Variants in CCDC141 observed in about 807,000 individuals in gnomAD.
The protein encoded by CCDC141 is coiled-coil domain containing 141, also known as coiled-coil domain-containing protein 141.
CCDC141 carries 168 observed loss-of-function variants against 181.0 expected under a neutral mutation model. That is an observed-to-expected ratio of 0.93 (90% CI 0.82 to 1.05). The LOEUF (loss-of-function observed/expected upper bound fraction) is 1.05, where lower values mean the gene tolerates loss of function less well. CCDC141 is among the 50% of genes least tolerant of loss of function. The pLI is 0.00. For synonymous variants in CCDC141, 666 were observed against 642.3 expected (o/e 1.04, Z -0.56); for missense variants, 1,902 against 1,788.5 (o/e 1.06, Z -1.14).
chr2:178,903,487 T>G (rs953996530), intron 8 of CCDC141, among the ~76,000 whole-genome samples: 1 of 151,768 alleles, frequency 6.6e-6, no homozygotes, highest in Non-Finnish European at 1.5e-5. Flanking sequence ...ATCATCATTC[T>G]CAGTAAACTA....
chr2:178,925,338 G>A (rs542699593), intron 6 of CCDC141, among the ~76,000 whole-genome samples: 4 of 152,190 alleles, frequency 2.6e-5, no homozygotes, highest in South Asian at 2.1e-4. Context: ...TATTCTCTTC[G>A]GTGTTTGGCC....
At chr2:178,948,647 G>T (rs1216829140) in intron 5 of CCDC141, among the ~76,000 whole-genome samples, 4 of 152,130 alleles carry the variant, frequency 2.6e-5, no homozygotes, top group Non-Finnish European at 4.4e-5. Context: ...CACAGGAGCG[G>T]ACCCCTCATG....
intron 5 of CCDC141, among the ~76,000 whole-genome samples, chr2:178,956,683 A>G (rs1690174962): frequency 6.6e-6 from 1 of 152,172 alleles, no homozygotes; most frequent in Non-Finnish European, 1.5e-5. Flanking sequence ...TATTGTTCTT[A>G]TTATAGTTAA....
intron 16 of CCDC141, 151 bp downstream of exon 16, chr2:178,867,875 G>T: frequency 1.7e-6 from 1 of 594,728 alleles, no homozygotes; most frequent in Non-Finnish European, 2.7e-6. Flanking sequence ...TCTTTTGTCA[G>T]AGGGTAGAAA....
At chr2:179,023,120 A>C (rs2042734376) in intron 2 of CCDC141, among the ~76,000 whole-genome samples, 1 of 152,188 alleles carries the variant, frequency 6.6e-6, no homozygotes, top group Non-Finnish European at 1.5e-5. Flanking sequence ...GACTGTATAT[A>C]CATTTGTATA....
At chr2:178,856,233 A>G (rs912381883) in intron 18 of CCDC141, 24 bp downstream of exon 18, 2 of 1,590,184 alleles carry the variant, frequency 1.3e-6, no homozygotes, top group Non-Finnish European at 1.7e-6. Context: ...ATGCGCACAT[A>G]TACAAACCAT....
intron 7 of CCDC141, among the ~76,000 whole-genome samples, chr2:178,913,775 G>T (rs1688322059): frequency 6.6e-6 from 1 of 152,044 alleles, no homozygotes; most frequent in Admixed American, 6.6e-5. Context: ...TTTGCTTTCA[G>T]GCTGACCACC....
At chr2:179,039,961 C>T (rs886202503) in intron 2 of CCDC141, among the ~76,000 whole-genome samples, 1 of 152,016 alleles carries the variant, frequency 6.6e-6, no homozygotes, top group African/African-American at 2.4e-5. Flanking sequence ...CTTTTCTAGA[C>T]TCATAATATT....
rs180775868 is a variant in CCDC141 at position 178,969,499 on chromosome 2, C to A, written c.526+5558G>T. Among the ~76,000 whole-genome samples the A allele has an allele frequency of 4.6e-3, 698 of 152,272 alleles. 2 individuals are homozygous for A. The highest frequency in any genetic ancestry group is 0.014 in the South Asian group (68 of 4,818). On this transcript the variant is annotated intron_variant, in intron 4 of 23. Transcript: ENST00000443758. ...GCAAATCAATAAACGTAATCCATCA[C>A]ATAAACAGAACCAATGACAAAAAAC... is the stretch of plus-strand genomic sequence containing the variant.
chr2:178,867,996 G>A (rs769521337), intron 16 of CCDC141, 30 bp downstream of exon 16: 76 of 1,562,106 alleles, frequency 4.9e-5, no homozygotes, highest in Non-Finnish European at 6.4e-5. Flanking sequence ...CTAGAACTGA[G>A]TCTAAATGAT....
chr2:178,832,118 G>A lies in CCDC141; in HGVS notation c.*2055C>T, dbSNP rs1020978365. On this transcript the variant is annotated 3_prime_UTR_variant, in exon 24 of 24. Coordinates refer to ENST00000443758, the MANE Select transcript of CCDC141 (RefSeq NM_173648.4). ...GGGAAGAGAGACAGTTTGTTACCGG[G>A]TCTCACCTGCCTTCTTTGTTCATGA... is the stretch of plus-strand genomic sequence containing the variant. 1 of 152,082 alleles carries A rather than the reference G, an allele frequency of 6.6e-6. No homozygotes were observed. Among genetic ancestry groups the A allele is most frequent in the African/African-American group, 2.4e-5 (1 of 41,424 alleles). 9.4% of individuals were successfully genotyped at this position (152,082 alleles called of 1,614,324 possible). A position where few individuals can be genotyped will look rare whatever the true frequency, so the allele number is the denominator to read the frequency against.
intron 3 of CCDC141, among the ~76,000 whole-genome samples, chr2:178,975,695 G>A (rs1468936987): frequency 6.6e-6 from 1 of 152,032 alleles, no homozygotes; most frequent in South Asian, 2.1e-4. Flanking sequence ...GCAAGTTTCT[G>A]AATAATACAT....
intron 22 of CCDC141, among the ~76,000 whole-genome samples, chr2:178,844,485 T>C (rs552778438): frequency 2.0e-4 from 30 of 152,280 alleles, no homozygotes; most frequent in African/African-American, 7.0e-4. Context: ...CGTAAAACCA[T>C]TTGATACAAG....
intron 15 of CCDC141, 103 bp downstream of exon 15, chr2:178,869,014 A>T (rs1558941369): frequency 4.0e-6 from 3 of 749,772 alleles, no homozygotes; most frequent in Non-Finnish European, 6.0e-6. Context: ...TAAACTTCTG[A>T]TACTAGAAGA....
intron 5 of CCDC141, among the ~76,000 whole-genome samples, chr2:178,954,638 G>A (rs911303935): frequency 1.3e-5 from 2 of 152,098 alleles, no homozygotes; most frequent in African/African-American, 4.8e-5. Context: ...GCCCTTATGA[G>A]AGAAGACACA....
In CCDC141 at chr2:178,913,798, C is replaced by G. The variant is rs1013051900; in HGVS notation, c.1092+4915G>C. Among the ~76,000 whole-genome samples the G allele has an allele frequency of 2.1e-4, 32 of 152,240 alleles. No individual in the cohort carries two copies. In the South Asian group the frequency reaches 3.1e-3, roughly 15 times the overall value. On this transcript the variant is annotated intron_variant, in intron 7 of 23. Transcript: ENST00000443758. ...CAGGCTGACCACCCAAAAATCAGAC[C>G]ATGTTCATAAAATGGATTTGGCCTC...
At chr2:178,982,969 C>A (rs992487064) in intron 2 of CCDC141, among the ~76,000 whole-genome samples, 1 of 152,220 alleles carries the variant, frequency 6.6e-6, no homozygotes, top group Non-Finnish European at 1.5e-5. Context: ...CACCACAGCT[C>A]AAGGAGGCCT....
intron 2 of CCDC141, among the ~76,000 whole-genome samples, chr2:179,046,767 T>C (rs2043511278): frequency 6.6e-6 from 1 of 152,228 alleles, no homozygotes; most frequent in Non-Finnish European, 1.5e-5. Context: ...ATGTTACTTT[T>C]AGATTTCTAA....
intron 8 of CCDC141, among the ~76,000 whole-genome samples, chr2:178,900,025 C>T (rs193253283): frequency 5.9e-5 from 9 of 152,208 alleles, no homozygotes; most frequent in Admixed American, 1.3e-4. Flanking sequence ...CCTTCTGAAT[C>T]CAAAAATGTC....
Sources: allele counts gnomAD v4.1 joint callset (sites outside exome capture counted in the v4.1 genomes callset), GRCh38; gene constraint gnomAD v4.1.1; transcripts MANE v1.5; gene names NCBI Gene and HGNC (gene_info 2026-07-23, HGNC 2026-07-21).